RASGEF1C: variants seen among roughly 807,000 people sequenced by gnomAD.
RASGEF1C encodes ras-GEF domain-containing family member 1C.
Under a neutral mutation model 58.1 loss-of-function variants are expected in RASGEF1C, and 27 were observed. The observed-to-expected ratio is 0.46, with a 90% CI of 0.34 to 0.64. The LOEUF (loss-of-function observed/expected upper bound fraction) is 0.64. Among genes scored for constraint, RASGEF1C ranks in the 30% least tolerant of loss-of-function variants. The pLI is 0.01. For missense variants in RASGEF1C, 502 were observed against 605.1 expected, an observed-to-expected ratio of 0.83 and a Z score of 1.79; for synonymous variants, 243 against 246.3, an observed-to-expected ratio of 0.99 and a Z score of 0.13.
At chr5:180,207,712 G>A (rs1427163191) in intron 1 of RASGEF1C, among the ~76,000 whole-genome samples, 3 of 152,038 alleles carry the variant, frequency 2.0e-5, no homozygotes, top group Non-Finnish European at 4.4e-5. Flanking sequence ...CAAACCGCCT[G>A]GGGGCTGCCC....
intron 11 of RASGEF1C, 104 bp downstream of exon 11, chr5:180,114,342 C>T: frequency 9.0e-7 from 1 of 1,108,406 alleles, no homozygotes; most frequent in Non-Finnish European, 1.3e-6. Flanking sequence ...GCTCATTCTG[C>T]CCCAGGGTCC....
chr5:180,133,285 C>A lies in RASGEF1C; in HGVS notation c.438+3093G>T, dbSNP rs141214804. On this transcript the variant is annotated intron_variant, in intron 4 of 13. Coordinates refer to ENST00000361132, the MANE Select transcript of RASGEF1C (RefSeq NM_175062.4). ...GAGAATGGCCTCCTCAGTCCCTCTC[C>A]AGTGCTGCTCCAGCTGCCGAGAGCT... 2.3e-3 allele frequency among the ~76,000 whole-genome samples: 343 copies of A among 152,302 alleles called. 3 individuals carry two copies. Among genetic ancestry groups the A allele is most frequent in the Non-Finnish European group, 3.8e-3 (258 of 68,024 alleles).
At chr5:180,124,456 G>A (rs1766223406) in intron 6 of RASGEF1C, among the ~76,000 whole-genome samples, 1 of 152,098 alleles carries the variant, frequency 6.6e-6, no homozygotes, top group Admixed American at 6.5e-5. Context: ...CCAAATCCAG[G>A]GAAGTGTGAA....
chr5:180,145,995 GTTATC>G (rs1766656067), intron 1 of RASGEF1C, among the ~76,000 whole-genome samples: 1 of 152,178 alleles, frequency 6.6e-6, no homozygotes, highest in South Asian at 2.1e-4. Context: ...TATTCGGTAG[GTTATC>G]TTTTTACTTT....
chr5:180,190,020 T>C (rs922002096), intron 1 of RASGEF1C, among the ~76,000 whole-genome samples: 2 of 146,538 alleles, frequency 1.4e-5, no homozygotes, highest in South Asian at 4.3e-4. Context: ...CTGATATTGA[T>C]CCATTCTTCC....
At chr5:180,119,225 C>A in intron 8 of RASGEF1C, 121 bp downstream of exon 8, 1 of 862,076 alleles carries the variant, frequency 1.2e-6, no homozygotes. Flanking sequence ...AGAGCCCGGC[C>A]CACGCCCTCC....
intron 1 of RASGEF1C, among the ~76,000 whole-genome samples, chr5:180,146,607 A>G (rs1011621189): frequency 6.6e-6 from 1 of 151,306 alleles, no homozygotes; most frequent in East Asian, 1.9e-4. Flanking sequence ...ATGTTAATCT[A>G]TTGTATTACA....
intron 1 of RASGEF1C, among the ~76,000 whole-genome samples, chr5:180,147,145 A>T (rs1051780303): frequency 6.6e-6 from 1 of 151,952 alleles, no homozygotes; most frequent in South Asian, 2.1e-4. Context: ...TGAATTGGTA[A>T]TAGTATCCCT....
intron 11 of RASGEF1C, among the ~76,000 whole-genome samples, chr5:180,112,944 C>T (rs1487051303): frequency 2.5e-5 from 3 of 121,734 alleles, no homozygotes; most frequent in Non-Finnish European, 3.5e-5. Context: ...ACGGAGGGAC[C>T]GGGGATGGAC....
At chr5:180,192,891 CCCA>C (rs1756191957) in intron 1 of RASGEF1C, among the ~76,000 whole-genome samples, 1 of 150,056 alleles carries the variant, frequency 6.7e-6, no homozygotes, top group East Asian at 2.0e-4. Context: ...ACTACAGGTG[CCCA>C]CCACCACGCC....
At chr5:180,181,724 A>C (rs1581123759) in intron 1 of RASGEF1C, among the ~76,000 whole-genome samples, 3 of 152,206 alleles carry the variant, frequency 2.0e-5, no homozygotes, top group African/African-American at 7.2e-5. Flanking sequence ...GAGAGAACAC[A>C]TTTCCGTTGT....
chr5:180,195,168 T>C (rs1756244072), intron 1 of RASGEF1C, among the ~76,000 whole-genome samples: 1 of 151,974 alleles, frequency 6.6e-6, no homozygotes, highest in Non-Finnish European at 1.5e-5. Context: ...CTGTTTGACC[T>C]TGGGGAGCAG....
At chr5:180,119,308 C>T (rs774254070) in intron 8 of RASGEF1C, 38 bp downstream of exon 8, 18 of 1,538,506 alleles carry the variant, frequency 1.2e-5, no homozygotes, top group Admixed American at 1.7e-5. Context: ...TCGGGGGACC[C>T]GTGCACTGGG....
chr5:180,162,094 G>C (rs1170898303), intron 1 of RASGEF1C, among the ~76,000 whole-genome samples: 1 of 152,246 alleles, frequency 6.6e-6, no homozygotes, highest in Non-Finnish European at 1.5e-5. Context: ...CCCCCACGGA[G>C]CTAGCAAGCC....
intron 1 of RASGEF1C, among the ~76,000 whole-genome samples, chr5:180,153,809 A>C (rs904783150): frequency 1.4e-5 from 1 of 69,224 alleles, no homozygotes; most frequent in African/African-American, 5.7e-5. Flanking sequence ...TTGCTAGCAG[A>C]AACAATACTG....
At chr5:180,190,871 T>C (rs1756151734) in intron 1 of RASGEF1C, among the ~76,000 whole-genome samples, 1 of 152,124 alleles carries the variant, frequency 6.6e-6, no homozygotes, top group African/African-American at 2.4e-5. Flanking sequence ...AAGGACACCA[T>C]TGAGAATAAA....
At chr5:180,145,785 A>G (rs1023011280) in intron 1 of RASGEF1C, among the ~76,000 whole-genome samples, 2 of 152,220 alleles carry the variant, frequency 1.3e-5, no homozygotes, top group Admixed American at 6.5e-5. Flanking sequence ...GAGAAGCCCC[A>G]CAGAACTGGA....
At chr5:180,189,814 T>G (rs1240380812) in intron 1 of RASGEF1C, among the ~76,000 whole-genome samples, 1 of 145,138 alleles carries the variant, frequency 6.9e-6, no homozygotes, top group Non-Finnish European at 1.5e-5. Flanking sequence ...TCTCAGCTAC[T>G]TGGGAGGCTG....
chr5:180,118,588 GCCAACGT>G lies in RASGEF1C; in HGVS notation c.1083+14_1083+20del, dbSNP rs1766110404. ...AGGTTCCCTGCTGCAGCCCCCCTGG[GCCAACGT>G]GGCCCCGACCTACCTTCTCTCGGCT... is the stretch of plus-strand genomic sequence containing the variant. On this transcript the variant is annotated intron_variant, in intron 10 of 13. Coordinates refer to ENST00000361132, the MANE Select transcript of RASGEF1C (RefSeq NM_175062.4). 9 of 1,584,820 alleles carry G rather than the reference GCCAACGT, an allele frequency of 5.7e-6. No individual in the cohort carries two copies. Among genetic ancestry groups the G allele is most frequent in the Non-Finnish European group, 6.9e-6 (8 of 1,166,122 alleles).
Sources: allele counts gnomAD v4.1 joint callset (sites outside exome capture counted in the v4.1 genomes callset), GRCh38; gene constraint gnomAD v4.1.1; transcripts MANE v1.5; gene names NCBI Gene and HGNC (gene_info 2026-07-23, HGNC 2026-07-21).